The following GDPD1 variants were observed in gnomAD, a reference collection of about 807,000 sequenced individuals.
The protein encoded by GDPD1 is glycerophosphodiester phosphodiesterase domain containing 1, also known as lysophospholipase D GDPD1.
GDPD1 carries 28 observed loss-of-function variants against 45.1 expected under a neutral mutation model. The observed-to-expected ratio is 0.62, with a 90% CI of 0.46 to 0.85. The LOEUF is 0.85. GDPD1 is among the 40% of genes least tolerant of loss of function. The pLI is 0.00. For missense variants in GDPD1, 256 were observed against 364.8 expected (o/e 0.70, Z 2.43); for synonymous variants, 139 against 131.4 (o/e 1.06, Z -0.40).
At chr17:59,247,529 A>G (rs1451503274) in intron 3 of GDPD1, among the ~76,000 whole-genome samples, 3 of 152,154 alleles carry the variant, frequency 2.0e-5, no homozygotes, top group Non-Finnish European at 4.4e-5. Context: ...TCAAATGACT[A>G]TAGTTATTCT....
chr17:59,241,843 G>T (rs926706433), intron 2 of GDPD1, among the ~76,000 whole-genome samples: 7 of 151,854 alleles, frequency 4.6e-5, no homozygotes, highest in African/African-American at 1.4e-4. Context: ...CAGAAGAATC[G>T]CTTGAACCTG....
chr17:59,273,067 G>A, intron 9 of GDPD1: 1 of 622,176 alleles, frequency 1.6e-6, no homozygotes, highest in Non-Finnish European at 2.5e-6. Flanking sequence ...AGAGGGGTGG[G>A]ACAGTGTTTG....
rs771086035 is a variant in GDPD1 at position 59,220,726 on chromosome 17, C to T, written c.117C>T (p.Leu39=). 5.6e-6 allele frequency: 9 copies of T among 1,613,912 alleles called. No homozygotes were observed. The highest frequency in any genetic ancestry group is 6.8e-6 in the Non-Finnish European group (8 of 1,180,006). Residue 39 remains leucine, a synonymous_variant, in exon 1 of 10, where the codon CTC becomes CTT. Coordinates refer to ENST00000284116, the MANE Select transcript of GDPD1 (RefSeq NM_182569.4). ...LLHQRKKQRF[L]SKHISHRGGA... is the part of the protein sequence containing the mutation. ...ACCAGAGAAAGAAGCAGCGATTCCT[C>T]AGTAAACACATCTCTCACCGCGGAG... is the stretch of plus-strand genomic sequence containing the variant.
chr17:59,224,859 T>G (rs1427156615), intron 1 of GDPD1, among the ~76,000 whole-genome samples: 4 of 152,034 alleles, frequency 2.6e-5, no homozygotes, highest in Non-Finnish European at 5.9e-5. Context: ...TTATTGAAAT[T>G]TGATGCCATA....
At chr17:59,233,511 CA>C (rs35485066) in intron 1 of GDPD1, among the ~76,000 whole-genome samples, 92 of 91,042 alleles carry the variant, frequency 1.0e-3, no homozygotes, top group Middle Eastern at 0.013. Flanking sequence ...GACTCCGTCT[CA>C]AAAAAAAAAA....
intron 1 of GDPD1, among the ~76,000 whole-genome samples, chr17:59,221,078 C>G (rs1467492917): frequency 6.6e-6 from 1 of 152,010 alleles, no homozygotes; most frequent in Admixed American, 6.6e-5. Context: ...AAGGTCCCTT[C>G]CTAGCAGCAA....
At chr17:59,229,159 T>C (rs2047069869) in intron 1 of GDPD1, among the ~76,000 whole-genome samples, 2 of 143,562 alleles carry the variant, frequency 1.4e-5, no homozygotes, top group Admixed American at 6.9e-5. Flanking sequence ...ATTATTATTA[T>C]TATTATTATT....
intron 7 of GDPD1, among the ~76,000 whole-genome samples, chr17:59,270,251 T>C (rs1169562817): frequency 1.3e-5 from 2 of 151,810 alleles, no homozygotes; most frequent in Non-Finnish European, 2.9e-5. Flanking sequence ...TGGAGTGCAG[T>C]GGCGCAGTCT....
intron 3 of GDPD1, among the ~76,000 whole-genome samples, chr17:59,246,262 GT>G (rs1568343489): frequency 6.6e-6 from 1 of 151,964 alleles, no homozygotes; most frequent in South Asian, 2.1e-4. Context: ...TACCTTTTAT[GT>G]TTTTTAGATT....
chr17:59,232,712 C>G (rs995365641), intron 1 of GDPD1, among the ~76,000 whole-genome samples: 17 of 152,046 alleles, frequency 1.1e-4, no homozygotes, highest in Non-Finnish European at 2.2e-4. Flanking sequence ...TATAACAGGA[C>G]AAGAAATCAT....
At chr17:59,248,639 T>A (rs1303729466) in intron 3 of GDPD1, 101 bp from the exon 4 acceptor site, 1 of 817,610 alleles carries the variant, frequency 1.2e-6, no homozygotes, top group Non-Finnish European at 2.0e-6. Context: ...GTTTTAGTCT[T>A]CTGTATGTTA....
At chr17:59,241,089 C>G (rs545730291) in intron 2 of GDPD1, among the ~76,000 whole-genome samples, 3 of 152,328 alleles carry the variant, frequency 2.0e-5, no homozygotes, top group African/African-American at 7.2e-5. Context: ...ATAGGCTATA[C>G]TCTATAACAT....
Position 59,273,843 on chromosome 17 carries a change from C to T in GDPD1, c.*70C>T. On this transcript the variant is annotated 3_prime_UTR_variant, in exon 10 of 10. Transcript: ENST00000284116. ...AGAAAAAAATATTTCATGATCATTT[C>T]CCTAAGCCATTTCCAGAATGGTAAA... is the stretch of plus-strand genomic sequence containing the variant. 7.0e-7 allele frequency: 1 copy of T among 1,436,736 alleles called. No individual in the cohort carries two copies. The highest frequency in any genetic ancestry group is 2.5e-5 in the East Asian group (1 of 39,988). The allele number at this position is 1,436,736 out of a possible 1,614,324, so 89.0% of individuals were successfully genotyped here.
At chr17:59,249,468 T>G (rs188045425) in intron 4 of GDPD1, among the ~76,000 whole-genome samples, 439 of 152,290 alleles carry the variant, frequency 2.9e-3, no homozygotes, top group Non-Finnish European at 4.9e-3. Flanking sequence ...AGGACCCCTT[T>G]CAAATCCTTT....
At chr17:59,266,946 A>G in intron 6 of GDPD1, 95 bp from the exon 7 acceptor site, 1 of 1,030,214 alleles carries the variant, frequency 9.7e-7, no homozygotes, top group Non-Finnish European at 1.5e-6. Context: ...AATAGATTTC[A>G]ACACATTGTC....
intron 1 of GDPD1, among the ~76,000 whole-genome samples, chr17:59,229,767 C>T (rs1005979092): frequency 2.0e-5 from 3 of 152,126 alleles, no homozygotes; most frequent in East Asian, 1.9e-4. Flanking sequence ...GCTTATTCAG[C>T]GTCCCCAAGG....
chr17:59,272,781 C>G lies in GDPD1; in HGVS notation c.771-4C>G. The G allele has an allele frequency of 1.3e-6, 2 of 1,590,374 alleles. No individual in the cohort carries two copies. Among genetic ancestry groups the G allele is most frequent in the Non-Finnish European group, 1.7e-6 (2 of 1,158,536 alleles). On this transcript the variant is annotated splice_polypyrimidine_tract_variant and splice_region_variant and intron_variant, in intron 8 of 9. Coordinates refer to ENST00000284116, the MANE Select transcript of GDPD1 (RefSeq NM_182569.4). ...CTAAATCAGTTTTGCTTTTTCTTTT[C>G]TAGCTTACTAATGAGGAAAGCTTTG... is the stretch of plus-strand genomic sequence containing the variant.
At chr17:59,236,694 GAGACA>G (rs2147880186) in intron 2 of GDPD1, among the ~76,000 whole-genome samples, 1 of 152,182 alleles carries the variant, frequency 6.6e-6, no homozygotes, top group African/African-American at 2.4e-5. Context: ...TTTTTTAATA[GAGACA>G]AGGTTTTGCT....
rs146407771 is a variant in GDPD1, at chr17:59,247,821, G to A, written c.322-919G>A. Among the ~76,000 whole-genome samples the A allele has an allele frequency of 4.8e-3, 734 of 152,014 alleles. 9 individuals carry two copies. Among genetic ancestry groups the A allele is most frequent in the African/African-American group, 0.017 (689 of 41,486 alleles). ...AATTTTTCGTATTTAGTAGAGACAGGGTTTCACCATGTTGGTCAGGCTGGT... is the reference window on the plus strand; with the variant it reads ...AATTTTTCGTATTTAGTAGAGACAGAGTTTCACCATGTTGGTCAGGCTGGT... On this transcript the variant is annotated intron_variant, in intron 3 of 9. Transcript: ENST00000284116.
Sources: allele counts gnomAD v4.1 joint callset (sites outside exome capture counted in the v4.1 genomes callset), GRCh38; gene constraint gnomAD v4.1.1; transcripts MANE v1.5; gene names NCBI Gene and HGNC (gene_info 2026-07-23, HGNC 2026-07-21).